LDHB: variants seen among roughly 807,000 people sequenced by gnomAD.
The protein encoded by LDHB is L-lactate dehydrogenase B chain.
LDHB carries 18 observed loss-of-function variants against 33.4 expected under a neutral mutation model. That is an observed-to-expected ratio of 0.54 (90% CI 0.37 to 0.80). LDHB has a LOEUF of 0.80. Among genes scored for constraint, LDHB ranks in the 30% least tolerant of loss-of-function variants. The pLI, the probability that LDHB is intolerant of heterozygous loss-of-function variation, is 0.00. For missense variants in LDHB, 345 were observed against 407.9 expected (o/e 0.85, Z 1.33); for synonymous variants, 121 against 140.6 (o/e 0.86, Z 0.98).
chr12:21,639,154 T>C (rs1938294604), intron 5 of LDHB, among the ~76,000 whole-genome samples: 1 of 151,956 alleles, frequency 6.6e-6, no homozygotes, highest in East Asian at 1.9e-4. Context: ...AGATCCCCTA[T>C]TAGTCCACAA....
chr12:21,636,671 T>C lies in LDHB; in HGVS notation c.837+400A>G, dbSNP rs138434507. On this transcript the variant is annotated intron_variant, in intron 7 of 7. Coordinates refer to ENST00000350669, the MANE Select transcript of LDHB (RefSeq NM_002300.8). ...AAATCATTAATTTCTACCTGTTTTG[T>C]GCATTTGCTCCATAGCTTTTGAATT... is the stretch of plus-strand genomic sequence containing the variant. Among the ~76,000 whole-genome samples the C allele has an allele frequency of 1.3e-3, 199 of 152,264 alleles. 4 individuals carry two copies. Among genetic ancestry groups the C allele is most frequent in the Non-Finnish European group, 1.0e-3 (69 of 67,964 alleles).
intron 2 of LDHB, among the ~76,000 whole-genome samples, chr12:21,653,466 T>C (rs1241460343): frequency 6.6e-6 from 1 of 152,174 alleles, no homozygotes; most frequent in African/African-American, 2.4e-5. Flanking sequence ...ACTGGTTCCC[T>C]AGTGCCAGAA....
chr12:21,640,488 A>T (rs1938345907), intron 5 of LDHB, among the ~76,000 whole-genome samples: 8 of 152,074 alleles, frequency 5.3e-5, no homozygotes, highest in Non-Finnish European at 8.8e-5. Flanking sequence ...ATTGATAGTT[A>T]TAATTAATAG....
rs779375805 is a variant in LDHB, at chr12:21,649,310, C to G, written c.130-2294G>C. ...TTCGGCTGAAAAGGAAGGAAGAGAT[C>G]CAACACTTAAATAATAATAATTGTA... On this transcript the variant is annotated intron_variant, in intron 2 of 7. Transcript: ENST00000350669. Among the ~76,000 whole-genome samples the G allele has an allele frequency of 2.0e-4, 30 of 152,238 alleles. No individual in the cohort carries two copies. The Middle Eastern group carries it at 0.01, about 52-fold the overall frequency.
intron 2 of LDHB, among the ~76,000 whole-genome samples, chr12:21,648,617 A>AG (rs1250415815): frequency 1.3e-5 from 2 of 152,138 alleles, no homozygotes; most frequent in Admixed American, 1.3e-4. Context: ...GGAGTAGCCC[A>AG]GGCAGCAGGG....
intron 1 of LDHB, among the ~76,000 whole-genome samples, chr12:21,655,345 A>T (rs1267383812): frequency 1.3e-5 from 2 of 152,190 alleles, no homozygotes; most frequent in African/African-American, 4.8e-5. Flanking sequence ...TAACTATGTA[A>T]ACTAAGTTTG....
At chr12:21,651,349 G>A (rs1435568757) in intron 2 of LDHB, among the ~76,000 whole-genome samples, 1 of 152,206 alleles carries the variant, frequency 6.6e-6, no homozygotes, top group African/African-American at 2.4e-5. Flanking sequence ...TTTTACAAAA[G>A]CTCTCTATGG....
intron 3 of LDHB, among the ~76,000 whole-genome samples, chr12:21,644,348 T>C (rs1319201687): frequency 6.8e-6 from 1 of 146,446 alleles, no homozygotes; most frequent in Admixed American, 7.0e-5. Context: ...GACCCGAAAG[T>C]ATGTTTTTGG....
rs144193687 is a variant in LDHB at position 21,649,379 on chromosome 12, T to C, written c.130-2363A>G. On this transcript the variant is annotated intron_variant, in intron 2 of 7. Coordinates refer to ENST00000350669, the MANE Select transcript of LDHB (RefSeq NM_002300.8). ...TCCGCAGCACTGAATATCCCCCAAA[T>C]GGAGAGGCGTGATGTGTGACTAAGT... Among the ~76,000 whole-genome samples, 1,169 of 152,298 alleles carry C rather than the reference T, an allele frequency of 7.7e-3. 9 individuals are homozygous for C. The highest frequency in any genetic ancestry group is 0.023 in the African/African-American group (971 of 41,560).
chr12:21,641,967 G>A lies in LDHB; in HGVS notation c.580C>T (p.His194Tyr), dbSNP rs1938382938. The A allele has an allele frequency of 6.2e-7, 1 of 1,612,380 alleles. No individual in the cohort carries two copies. Among genetic ancestry groups the A allele is most frequent in the Non-Finnish European group, 8.5e-7 (1 of 1,179,332 alleles). ...TTTTCTTTACCACTTGAGTCGCCAT[G>A]TTCCCCCAAAATCCATCCATGGCAG... ...SSCHGWILGEHGDSSVAVWSG... is the reference protein window; with the variant it reads ...SSCHGWILGEYGDSSVAVWSG... Residue 194 changes from histidine to tyrosine, a missense_variant, in exon 5 of 8, where the codon CAT becomes TAT. Physicochemically the swap from His to Tyr is moderately conservative, Grantham distance 83 (BLOSUM62 2). Transcript: ENST00000350669.
At position 21,651,220 on chromosome 12, in the gene LDHB, T is replaced by C. The variant is rs372929865; in HGVS notation, c.129+3323A>G. On this transcript the variant is annotated intron_variant, in intron 2 of 7. Transcript: ENST00000350669. ...GGTGCCCCTGCAGTTGTGTGCTCCA[T>C]TGCTCTGCTCTGAGAAACAGGCAGG... Among the ~76,000 whole-genome samples the C allele has an allele frequency of 7.9e-5, 12 of 152,334 alleles. 1 individual carries two copies. The highest frequency in any genetic ancestry group is 4.1e-4 in the South Asian group (2 of 4,826).
chr12:21,650,103 A>ATATATAT (rs1555165526), intron 2 of LDHB, among the ~76,000 whole-genome samples: 3 of 137,040 alleles, frequency 2.2e-5, no homozygotes, highest in Non-Finnish European at 4.6e-5. Context: ...AGAGAAAAAA[A>ATATATAT]ATACACACAC....
intron 3 of LDHB, among the ~76,000 whole-genome samples, chr12:21,644,612 G>A (rs1047684769): frequency 6.6e-6 from 1 of 152,070 alleles, no homozygotes; most frequent in African/African-American, 2.4e-5. Flanking sequence ...AAGTTTCCCT[G>A]GAGATTTGAT....
intron 4 of LDHB, among the ~76,000 whole-genome samples, chr12:21,642,371 A>G (rs1374912219): frequency 6.6e-6 from 1 of 152,162 alleles, no homozygotes; most frequent in Non-Finnish European, 1.5e-5. Context: ...GTGCTTTTAC[A>G]TTTGCATTAT....
intron 5 of LDHB, among the ~76,000 whole-genome samples, chr12:21,640,769 G>A (rs1427584023): frequency 6.6e-6 from 1 of 151,966 alleles, no homozygotes; most frequent in Non-Finnish European, 1.5e-5. Context: ...TGCTGGGAAG[G>A]GGAAAGTTCA....
At chr12:21,635,741 C>A in intron 7 of LDHB, 32 bp from the exon 8 acceptor site, 1 of 1,602,812 alleles carries the variant, frequency 6.2e-7, no homozygotes, top group Non-Finnish European at 8.5e-7. Context: ...GAGATTAAGA[C>A]ATGAAACTGT....
At chr12:21,647,949 G>A (rs984599804) in intron 2 of LDHB, among the ~76,000 whole-genome samples, 3 of 151,832 alleles carry the variant, frequency 2.0e-5, no homozygotes, top group African/African-American at 7.3e-5. Context: ...CACCCGCCCC[G>A]GCCTCCCAAA....
At chr12:21,640,476 T>TTACCTC in intron 5 of LDHB, among the ~76,000 whole-genome samples, 8 of 152,078 alleles carry the variant, frequency 5.3e-5, no homozygotes, top group Non-Finnish European at 8.8e-5. Flanking sequence ...ACTACTTAAA[T>TTACCTC]AATTGATAGT....
intron 2 of LDHB, among the ~76,000 whole-genome samples, chr12:21,651,805 A>T (rs1232929082): frequency 1.3e-5 from 2 of 152,232 alleles, no homozygotes; most frequent in Admixed American, 1.3e-4. Context: ...ATATTTAGAC[A>T]TTCTTAATTG....
Sources: gnomAD v4.1 joint callset for allele counts (sites outside exome capture counted in the v4.1 genomes callset) on GRCh38, gnomAD v4.1.1 for gene constraint, MANE v1.5 for transcripts, NCBI Gene and HGNC (gene_info 2026-07-23, HGNC 2026-07-21) for gene names.